The following TENT2 variants were observed in gnomAD, a reference collection of about 807,000 sequenced individuals.
TENT2 encodes the protein poly(A) RNA polymerase GLD2.
Under a neutral mutation model 72.2 loss-of-function variants are expected in TENT2, and 44 were observed. The observed-to-expected ratio is 0.61, with a 90% CI of 0.48 to 0.78. TENT2 has a LOEUF of 0.78. Ranked by LOEUF, TENT2 falls within the 30% of genes least tolerant of loss-of-function variation. TENT2 has a pLI of 0.00. For missense variants in TENT2, 541 were observed against 569.6 expected (o/e 0.95, Z 0.51); for synonymous variants, 212 against 192.5 (o/e 1.10, Z -0.84).
intron 6 of TENT2, among the ~76,000 whole-genome samples, chr5:79,642,006 T>C (rs149258440): frequency 5.1e-4 from 77 of 152,152 alleles, no homozygotes; most frequent in African/African-American, 1.8e-3. Context: ...GATACTCCTG[T>C]GTATAATACT....
At chr5:79,679,708 C>T in intron 13 of TENT2, 38 bp downstream of exon 13, 1 of 1,177,110 alleles carries the variant, frequency 8.5e-7, no homozygotes. Flanking sequence ...CATCATGGTA[C>T]TAAGAGAATT....
chr5:79,643,532 G>A (rs1580386496), intron 7 of TENT2, among the ~76,000 whole-genome samples: 2 of 152,216 alleles, frequency 1.3e-5, no homozygotes, highest in South Asian at 2.1e-4. Context: ...GTGTGATATT[G>A]GAAAGACACT....
intron 8 of TENT2, among the ~76,000 whole-genome samples, chr5:79,647,000 C>G (rs1266402673): frequency 6.6e-6 from 1 of 152,068 alleles, no homozygotes; most frequent in Admixed American, 6.6e-5. Flanking sequence ...AACCCCTGGC[C>G]TCAAGCAATC....
intron 11 of TENT2, among the ~76,000 whole-genome samples, chr5:79,657,815 C>A (rs1368481380): frequency 1.3e-5 from 2 of 152,148 alleles, no homozygotes; most frequent in East Asian, 3.9e-4. Flanking sequence ...GTAATTTTTA[C>A]ATATTGGTTT....
At chr5:79,668,762 G>A in intron 11 of TENT2, 130 bp from the exon 12 acceptor site, 2 of 1,095,942 alleles carry the variant, frequency 1.8e-6, no homozygotes, top group South Asian at 1.9e-5. Flanking sequence ...AAAATTTCAG[G>A]TTTCCAAATT....
At chr5:79,674,071 C>T (rs1815170441) in intron 12 of TENT2, among the ~76,000 whole-genome samples, 1 of 152,084 alleles carries the variant, frequency 6.6e-6, no homozygotes, top group Non-Finnish European at 1.5e-5. Flanking sequence ...GCCTAATCTC[C>T]TCAAAAGTCA....
intron 12 of TENT2, among the ~76,000 whole-genome samples, chr5:79,670,933 A>G (rs1812543124): frequency 6.6e-6 from 1 of 151,760 alleles, no homozygotes; most frequent in African/African-American, 2.4e-5. Flanking sequence ...CTCCAAAACT[A>G]CATTCTTAAT....
chr5:79,651,318 AAAT>A (rs1194803761), intron 10 of TENT2, among the ~76,000 whole-genome samples: 2 of 152,062 alleles, frequency 1.3e-5, no homozygotes, highest in African/African-American at 4.8e-5. Flanking sequence ...TGGTCTTCTT[AAAT>A]AATGTTCTTA....
At chr5:79,674,121 C>T (rs1407622171) in intron 12 of TENT2, among the ~76,000 whole-genome samples, 2 of 152,134 alleles carry the variant, frequency 1.3e-5, no homozygotes, top group African/African-American at 2.4e-5. Flanking sequence ...TGGTGGCTCA[C>T]GCCTGTAATA....
chr5:79,669,130 G>A, intron 12 of TENT2, 102 bp downstream of exon 12: 2 of 1,352,066 alleles, frequency 1.5e-6, no homozygotes, highest in Non-Finnish European at 2.0e-6. Flanking sequence ...TACAGATTTA[G>A]TCAGGAGCTG....
intron 4 of TENT2, among the ~76,000 whole-genome samples, chr5:79,636,783 T>G (rs1262877342): frequency 6.6e-6 from 1 of 152,178 alleles, no homozygotes; most frequent in African/African-American, 2.4e-5. Flanking sequence ...TTTTCTAGTT[T>G]TCAGTATACA....
At chr5:79,633,413 C>T (rs7730498) in intron 4 of TENT2, among the ~76,000 whole-genome samples, 29,512 of 139,422 alleles carry the variant, frequency 0.21, 4,432 homozygotes, top group African/African-American at 0.43. Context: ...GATTAGGTCT[C>T]GGTATTTCCA....
intron 8 of TENT2, among the ~76,000 whole-genome samples, chr5:79,647,624 A>AC (rs1790180361): frequency 1.3e-5 from 2 of 152,328 alleles, no homozygotes; most frequent in Admixed American, 1.3e-4. Flanking sequence ...AAAGACTGAA[A>AC]TGGTAGATTT....
At chr5:79,659,007 G>A (rs1196209525) in intron 11 of TENT2, among the ~76,000 whole-genome samples, 3 of 152,036 alleles carry the variant, frequency 2.0e-5, no homozygotes, top group African/African-American at 4.8e-5. Context: ...AATACTAATA[G>A]CAAGACCTGC....
chr5:79,681,545 C>G (rs980941018), intron 13 of TENT2: 1 of 153,694 alleles, frequency 6.5e-6, no homozygotes, highest in Admixed American at 6.5e-5. Context: ...GAACCTCTAC[C>G]TTCAAAGGAC....
chr5:79,661,883 G>A (rs759350753), intron 11 of TENT2, among the ~76,000 whole-genome samples: 83 of 152,286 alleles, frequency 5.5e-4, no homozygotes, highest in South Asian at 1.9e-3. Context: ...ACAGTAGAAC[G>A]TCCTTTAAAA....
Position 79,642,887 on chromosome 5 carries a change from AT to A in TENT2, c.729del (p.His243GlnfsTer17). 6.2e-7 allele frequency: 1 copy of A among 1,612,136 alleles called. No individual in the cohort carries two copies. Among genetic ancestry groups the A allele is most frequent in the Non-Finnish European group, 8.5e-7 (1 of 1,179,232 alleles). ...TEARHILTLV[H>X]KHFCTRLSGY... ...GCACGGCATATACTCACCTTAGTCC[AT>A]AAACACTTCTGTACTAGACTTTGTA... On this transcript the variant is annotated frameshift_variant, in exon 7 of 15. Transcript: ENST00000453514. LOFTEE classifies it high-confidence loss of function.
At chr5:79,678,623 T>G (rs538890731) in intron 12 of TENT2, among the ~76,000 whole-genome samples, 6 of 152,334 alleles carry the variant, frequency 3.9e-5, no homozygotes, top group Admixed American at 2.0e-4. Context: ...TTTACTTGAA[T>G]AAAATTTTAC....
At chr5:79,625,550 C>A (rs4704568) in intron 4 of TENT2, among the ~76,000 whole-genome samples, 1 of 151,716 alleles carries the variant, frequency 6.6e-6, no homozygotes, top group Non-Finnish European at 1.5e-5. Flanking sequence ...TTCCCTGCCC[C>A]GCCTATGTGT....
Sources: allele counts gnomAD v4.1 joint callset (sites outside exome capture counted in the v4.1 genomes callset), GRCh38; gene constraint gnomAD v4.1.1; transcripts MANE v1.5; gene names NCBI Gene and HGNC (gene_info 2026-07-23, HGNC 2026-07-21).